Variants in MMP16 observed in about 807,000 individuals in gnomAD.
The protein encoded by MMP16 is matrix metalloproteinase-16.
Under a neutral mutation model 67.8 loss-of-function variants are expected in MMP16, and 12 were observed. The ratio of observed to expected loss-of-function variants is 0.18; its 90% CI spans 0.11 to 0.29. The LOEUF (loss-of-function observed/expected upper bound fraction) is 0.29. Among genes scored for constraint, MMP16 ranks in the 10% least tolerant of loss-of-function variants. MMP16 has a pLI of 1.00. For synonymous variants in MMP16, 249 were observed against 255.9 expected (o/e 0.97, Z 0.26); for missense variants, 475 against 765.7 (o/e 0.62, Z 4.48).
At chr8:88,075,398 GAA>G (rs1018422867) in intron 6 of MMP16, among the ~76,000 whole-genome samples, 22 of 152,202 alleles carry the variant, frequency 1.4e-4, no homozygotes, top group East Asian at 5.8e-4. Context: ...CATTTTATAT[GAA>G]AAGTGTCTAT....
intron 1 of MMP16, among the ~76,000 whole-genome samples, chr8:88,221,640 A>G (rs1009060615): frequency 3.3e-5 from 5 of 152,082 alleles, no homozygotes; most frequent in African/African-American, 9.7e-5. Context: ...TCTCAAACTA[A>G]AATAAAATAT....
intron 1 of MMP16, among the ~76,000 whole-genome samples, chr8:88,293,083 A>G (rs1177586885): frequency 6.6e-6 from 1 of 152,220 alleles, no homozygotes; most frequent in African/African-American, 2.4e-5. Flanking sequence ...AAACTTTAAG[A>G]GTAAATGACA....
In MMP16 at chr8:88,161,793, C is replaced by T. The variant is rs896036157; in HGVS notation, c.709+5876G>A. 3.3e-5 allele frequency among the ~76,000 whole-genome samples: 5 copies of T among 152,034 alleles called. No individual in the cohort carries two copies. The East Asian group carries it at 9.6e-4, about 29-fold the overall frequency. On this transcript the variant is annotated intron_variant, in intron 4 of 9. Coordinates refer to ENST00000286614, the MANE Select transcript of MMP16 (RefSeq NM_005941.5). The stretch of plus-strand genomic sequence containing the variant: ...TTTCAAAGAACATCTTTATTTCTGC[C>T]TTCATTTCGTTATGCACCCAATAGT...
At chr8:88,117,980 T>A (rs1340517332) in intron 5 of MMP16, among the ~76,000 whole-genome samples, 1 of 152,096 alleles carries the variant, frequency 6.6e-6, no homozygotes, top group Non-Finnish European at 1.5e-5. Context: ...TAAATGTCTT[T>A]ATAAAGGTCA....
At chr8:88,080,412 T>C (rs1808726716) in intron 6 of MMP16, among the ~76,000 whole-genome samples, 2 of 152,116 alleles carry the variant, frequency 1.3e-5, no homozygotes, top group South Asian at 4.1e-4. Flanking sequence ...AGCAATCATG[T>C]GTTGTTTTAT....
At chr8:88,299,332 AC>A (rs1339444151) in intron 1 of MMP16, among the ~76,000 whole-genome samples, 1 of 152,166 alleles carries the variant, frequency 6.6e-6, no homozygotes, top group Non-Finnish European at 1.5e-5. Context: ...AAAAGAAAGT[AC>A]ACTTCATACT....
intron 1 of MMP16, among the ~76,000 whole-genome samples, chr8:88,291,728 A>T (rs766447713): frequency 6.6e-6 from 1 of 152,262 alleles, no homozygotes; most frequent in Non-Finnish European, 1.5e-5. Context: ...ATTTTGTAGA[A>T]TAACGATTAG....
At chr8:88,061,034 CATTT>C (rs1490726597) in intron 7 of MMP16, among the ~76,000 whole-genome samples, 2 of 151,568 alleles carry the variant, frequency 1.3e-5, no homozygotes, top group African/African-American at 4.8e-5. Flanking sequence ...GCTGAAAAAT[CATTT>C]ATTTAAGTGA....
intron 8 of MMP16, among the ~76,000 whole-genome samples, chr8:88,049,319 A>C (rs564940901): frequency 6.6e-6 from 1 of 152,342 alleles, no homozygotes; most frequent in East Asian, 1.9e-4. Context: ...TTTAAATTTA[A>C]ATATTTAAAT....
At chr8:88,324,858 C>T (rs1207774153) in intron 1 of MMP16, among the ~76,000 whole-genome samples, 3 of 151,760 alleles carry the variant, frequency 2.0e-5, no homozygotes, top group African/African-American at 7.3e-5. Context: ...GCTACTCCTA[C>T]AATCTAAAAA....
intron 1 of MMP16, among the ~76,000 whole-genome samples, chr8:88,227,266 TA>T (rs1809785678): frequency 6.6e-6 from 1 of 151,986 alleles, no homozygotes; most frequent in South Asian, 2.1e-4. Flanking sequence ...TTAGGAGATT[TA>T]AAGGATCAAA....
chr8:88,061,169 C>CAT, intron 7 of MMP16, among the ~76,000 whole-genome samples: 1 of 144,836 alleles, frequency 6.9e-6, no homozygotes, highest in African/African-American at 2.6e-5. Flanking sequence ...CACACACACA[C>CAT]ACCCCTCATC....
intron 1 of MMP16, among the ~76,000 whole-genome samples, chr8:88,256,511 C>T (rs959488366): frequency 6.6e-6 from 1 of 152,100 alleles, no homozygotes; most frequent in African/African-American, 2.4e-5. Context: ...AGAAGAAAAG[C>T]CCAAGACATT....
intron 4 of MMP16, among the ~76,000 whole-genome samples, chr8:88,165,325 A>T (rs1808695068): frequency 6.6e-6 from 1 of 151,846 alleles, no homozygotes; most frequent in Non-Finnish European, 1.5e-5. Context: ...TTCATATAGG[A>T]TTTTAATAAT....
chr8:88,244,625 T>C (rs1810082691), intron 1 of MMP16, among the ~76,000 whole-genome samples: 1 of 152,096 alleles, frequency 6.6e-6, no homozygotes, highest in Non-Finnish European at 1.5e-5. Flanking sequence ...TCCTATACAT[T>C]ATGAAAAAAC....
chr8:88,147,773 G>A (rs1266317498), intron 4 of MMP16, among the ~76,000 whole-genome samples: 1 of 134,280 alleles, frequency 7.4e-6, no homozygotes, highest in Non-Finnish European at 1.7e-5. Flanking sequence ...TATAAAATAT[G>A]TGTTTGTGTG....
chr8:88,148,003 C>T (rs1430788736), intron 4 of MMP16, among the ~76,000 whole-genome samples: 1 of 152,116 alleles, frequency 6.6e-6, no homozygotes, highest in African/African-American at 2.4e-5. Flanking sequence ...TTCACATTTC[C>T]TATCTTTTTT....
At chr8:88,215,851 T>C (rs1809584166) in intron 1 of MMP16, among the ~76,000 whole-genome samples, 1 of 152,150 alleles carries the variant, frequency 6.6e-6, no homozygotes, top group Non-Finnish European at 1.5e-5. Flanking sequence ...CTGACTGACA[T>C]GTATGGCTAA....
chr8:88,238,095 G>A (rs538428856), intron 1 of MMP16, among the ~76,000 whole-genome samples: 1 of 152,252 alleles, frequency 6.6e-6, no homozygotes, highest in South Asian at 2.1e-4. Context: ...GGTGAAATAT[G>A]GTGAACCTGT....
Sources: gnomAD v4.1 joint callset for allele counts (sites outside exome capture counted in the v4.1 genomes callset) on GRCh38, gnomAD v4.1.1 for gene constraint, MANE v1.5 for transcripts, NCBI Gene and HGNC (gene_info 2026-07-23, HGNC 2026-07-21) for gene names.